Variants in PRDM15 observed in about 807,000 individuals in gnomAD.
The protein encoded by PRDM15 is PR domain zinc finger protein 15.
A neutral mutation model predicts 128.6 loss-of-function variants in PRDM15; 64 were observed. That is an observed-to-expected ratio of 0.50 (90% CI 0.41 to 0.61). PRDM15 has a LOEUF of 0.61. Among genes scored for constraint, PRDM15 ranks in the 20% least tolerant of loss-of-function variants. The pLI is 0.00. For synonymous variants in PRDM15, 615 were observed against 621.8 expected, an observed-to-expected ratio of 0.99 and a Z score of 0.16; for missense variants, 1,242 against 1,569.1, an observed-to-expected ratio of 0.79 and a Z score of 3.52.
At chr21:41,843,102 T>G (rs534326470) in intron 6 of PRDM15, among the ~76,000 whole-genome samples, 24 of 151,414 alleles carry the variant, frequency 1.6e-4, no homozygotes, top group African/African-American at 5.3e-4. Flanking sequence ...TTTGTTTTTT[T>G]GTTTGTTTTT....
intron 18 of PRDM15, among the ~76,000 whole-genome samples, chr21:41,817,807 T>G (rs1180450537): frequency 1.3e-5 from 2 of 152,256 alleles, no homozygotes; most frequent in Non-Finnish European, 2.9e-5. Context: ...AATACTGGAA[T>G]TTGGTATTCT....
intron 6 of PRDM15, among the ~76,000 whole-genome samples, chr21:41,841,416 A>G (rs2063071128): frequency 6.6e-6 from 1 of 152,226 alleles, no homozygotes; most frequent in African/African-American, 2.4e-5. Flanking sequence ...TCCGGTGAAA[A>G]CCGTTTCCAG....
intron 5 of PRDM15, among the ~76,000 whole-genome samples, chr21:41,848,184 C>A (rs764784755): frequency 3.4e-4 from 52 of 152,292 alleles, no homozygotes; most frequent in Non-Finnish European, 5.9e-4. Flanking sequence ...AAAAAATAAT[C>A]CAGAAGTACA....
At chr21:41,861,543 C>G in intron 1 of PRDM15, 3 of 1,572,512 alleles carry the variant, frequency 1.9e-6, no homozygotes, top group Non-Finnish European at 2.6e-6. Context: ...TGCCCCCCCC[C>G]AATCCCCAAC....
At chr21:41,839,587 C>T (rs951478696) in intron 7 of PRDM15, 36 bp downstream of exon 7, 2 of 1,591,060 alleles carry the variant, frequency 1.3e-6, no homozygotes, top group Admixed American at 1.7e-5. Context: ...GGGCTGCGCC[C>T]CACGCAGGCA....
Position 41,810,770 on chromosome 21 carries a change from TG to T in PRDM15, c.2458del (p.His820ThrfsTer21). 6.2e-7 allele frequency: 1 copy of T among 1,614,106 alleles called. No homozygotes were observed. Among genetic ancestry groups the T allele is most frequent in the Non-Finnish European group, 8.5e-7 (1 of 1,180,022 alleles). ...TFSERNTMETHKLIHTVGKQW... is the reference protein window; with the variant it reads ...TFSERNTMETXKLIHTVGKQW... ...CCGCTCACCTGTGTGGATGAGCTTG[TG>T]GGTCTCCATGGTGTTCCTCTCGCTG... On this transcript the variant is annotated frameshift_variant, in exon 20 of 24. Coordinates refer to ENST00000398548, the MANE Select transcript of PRDM15 (RefSeq NM_001040424.3). LOFTEE classifies it high-confidence loss of function. This position sits in a 1 kb window ranked among gnomAD's most constrained non-coding sequence, Gnocchi z 6.4.
At chr21:41,823,828 T>C (rs1157372242) in intron 13 of PRDM15, among the ~76,000 whole-genome samples, 1 of 152,244 alleles carries the variant, frequency 6.6e-6, no homozygotes, top group Non-Finnish European at 1.5e-5. Flanking sequence ...AAAAGAAAGC[T>C]AGTTACCCCC....
chr21:41,875,350 C>T (rs1212526543), intron 1 of PRDM15, among the ~76,000 whole-genome samples: 2 of 152,286 alleles, frequency 1.3e-5, no homozygotes, highest in African/African-American at 4.8e-5. Flanking sequence ...GGCAGCTCCA[C>T]CTGATGCCTG....
chr21:41,857,068 G>T, intron 4 of PRDM15, 108 bp downstream of exon 4: 1 of 995,154 alleles, frequency 1.0e-6, no homozygotes, highest in Non-Finnish European at 1.5e-6. Flanking sequence ...AGCTGTTTTT[G>T]AGGCATTTAT....
intron 11 of PRDM15, among the ~76,000 whole-genome samples, chr21:41,829,301 T>C (rs1274186622): frequency 4.9e-5 from 7 of 144,310 alleles, no homozygotes; most frequent in Admixed American, 4.1e-4. Flanking sequence ...CACAATCACA[T>C]ACCACACAAA....
In PRDM15 at chr21:41,859,011, A is replaced by T; in HGVS notation, c.131+581T>A. The T allele has an allele frequency of 6.5e-7, 1 of 1,534,892 alleles. No individual in the cohort carries two copies. Among genetic ancestry groups the T allele is most frequent in the Non-Finnish European group, 8.8e-7 (1 of 1,135,388 alleles). ...CAGAGGCCACCGAGGTCCGGAGAGG[A>T]GTGCCTTGTCCAAGCTCACCTGCCC... On this transcript the variant is annotated intron_variant, in intron 3 of 23. Coordinates refer to ENST00000398548, the MANE Select transcript of PRDM15 (RefSeq NM_001040424.3). This position sits in a 1 kb window ranked among gnomAD's most constrained non-coding sequence, Gnocchi z 5.3.
chr21:41,823,162 T>C, intron 14 of PRDM15, 156 bp downstream of exon 14: 2 of 956,402 alleles, frequency 2.1e-6, no homozygotes, highest in Non-Finnish European at 3.2e-6. Flanking sequence ...ACCGAATCTA[T>C]GGGGGCTTTG....
intron 1 of PRDM15, among the ~76,000 whole-genome samples, chr21:41,869,982 G>T (rs572121339): frequency 1.3e-5 from 2 of 152,154 alleles, no homozygotes; most frequent in African/African-American, 4.8e-5. Flanking sequence ...CACGCTCGGC[G>T]GAGCCCAGTC....
intron 13 of PRDM15, among the ~76,000 whole-genome samples, chr21:41,824,032 G>C (rs1186271077): frequency 1.3e-5 from 2 of 152,208 alleles, no homozygotes; most frequent in African/African-American, 2.4e-5. Context: ...CAGAGCAGTG[G>C]ACAAGGCTGG....
intron 16 of PRDM15, 56 bp from the exon 17 acceptor site, chr21:41,820,230 G>A (rs1401070891): frequency 1.1e-5 from 15 of 1,413,994 alleles, no homozygotes; most frequent in African/African-American, 7.1e-5. Context: ...CCACGGCAGC[G>A]AGGGCACTTT....
Position 41,821,990 on chromosome 21 carries a change from C to A in PRDM15, c.1809G>T (p.Lys603Asn). 6.2e-7 allele frequency: 1 copy of A among 1,614,206 alleles called. No homozygotes were observed. Among genetic ancestry groups the A allele is most frequent in the South Asian group, 1.1e-5 (1 of 91,086 alleles). ...CGTTTTCTTCCGAGGAGATCCCGAT[C>A]TTGCCGATAAACTCTTCCCTCTGGT... ...DDHQREEFIG[K>N]IGISSEENDD... The change falls in exon 15 of 24, where the codon AAG becomes AAT. Residue 603 changes from lysine to asparagine, a missense_variant. Physicochemically the swap from Lys to Asn is moderately conservative, Grantham distance 94 (BLOSUM62 0). Transcript: ENST00000398548. This position sits in a 1 kb window ranked among gnomAD's most constrained non-coding sequence, Gnocchi z 5.4.
chr21:41,808,460 C>T (rs114808179), intron 21 of PRDM15, among the ~76,000 whole-genome samples: 119 of 152,318 alleles, frequency 7.8e-4, no homozygotes, highest in African/African-American at 2.6e-3. Flanking sequence ...AGCAACACGG[C>T]GACGTCCCGG....
At chr21:41,874,071 A>G (rs938493220) in intron 1 of PRDM15, among the ~76,000 whole-genome samples, 47 of 80,446 alleles carry the variant, frequency 5.8e-4, no homozygotes, top group African/African-American at 8.4e-4. Flanking sequence ...CTGTCTCGGG[A>G]AAAAAAAAAA....
chr21:41,849,159 G>C (rs1482064191), intron 5 of PRDM15, among the ~76,000 whole-genome samples: 2 of 152,240 alleles, frequency 1.3e-5, no homozygotes, highest in African/African-American at 2.4e-5. Flanking sequence ...ACAGCAAACA[G>C]CCTGGCATTC....
Sources: allele counts gnomAD v4.1 joint callset (sites outside exome capture counted in the v4.1 genomes callset), GRCh38; gene constraint gnomAD v4.1.1; non-coding constraint Gnocchi (gnomAD v3.1); transcripts MANE v1.5; gene names NCBI Gene and HGNC (gene_info 2026-07-23, HGNC 2026-07-21).